The following EZR variants were observed in gnomAD, a reference collection of about 807,000 sequenced individuals.
EZR encodes ezrin.
EZR carries 40 observed loss-of-function variants against 74.8 expected under a neutral mutation model. The ratio of observed to expected loss-of-function variants is 0.53; its 90% CI spans 0.42 to 0.70. The LOEUF (loss-of-function observed/expected upper bound fraction) is 0.70. Among genes scored for constraint, EZR ranks in the 30% least tolerant of loss-of-function variants. The pLI is 0.00. For missense variants in EZR, 678 were observed against 755.8 expected, an observed-to-expected ratio of 0.90 and a Z score of 1.21; for synonymous variants, 341 against 283.3, an observed-to-expected ratio of 1.20 and a Z score of -2.05.
intron 7 of EZR, among the ~76,000 whole-genome samples, chr6:158,780,567 C>T (rs1420304752): frequency 3.3e-5 from 5 of 152,120 alleles, no homozygotes; most frequent in Non-Finnish European, 7.4e-5. Flanking sequence ...TGTTTCAGTC[C>T]CCAAGCTCCC....
At chr6:158,770,307 C>T (rs1030218548) in intron 10 of EZR, among the ~76,000 whole-genome samples, 1 of 152,238 alleles carries the variant, frequency 6.6e-6, no homozygotes, top group African/African-American at 2.4e-5. Context: ...CCAGTGAATA[C>T]AGCATCTGTG....
intron 2 of EZR, among the ~76,000 whole-genome samples, chr6:158,790,730 CA>C (rs1366229267): frequency 1.3e-5 from 2 of 152,136 alleles, no homozygotes; most frequent in African/African-American, 2.4e-5. Context: ...CCACTTACAT[CA>C]AGGCAGTTTT....
At chr6:158,791,027 A>AATT (rs1444538821) in intron 2 of EZR, among the ~76,000 whole-genome samples, 1 of 152,190 alleles carries the variant, frequency 6.6e-6, no homozygotes, top group East Asian at 1.9e-4. Context: ...GGGAACCAGA[A>AATT]ATATTAAGCA....
At chr6:158,811,461 CAA>C (rs925190073) in intron 2 of EZR, among the ~76,000 whole-genome samples, 7 of 151,946 alleles carry the variant, frequency 4.6e-5, no homozygotes, top group African/African-American at 1.7e-4. Flanking sequence ...TCCAAATTGT[CAA>C]AGAGATATAA....
intron 2 of EZR, among the ~76,000 whole-genome samples, chr6:158,792,491 T>C (rs1391460873): frequency 6.6e-6 from 1 of 152,184 alleles, no homozygotes; most frequent in African/African-American, 2.4e-5. Context: ...ATACTTTTAC[T>C]GAGGTTGGTT....
In EZR at chr6:158,785,390, G is replaced by A; in HGVS notation, c.386C>T (p.Ala129Val). The A allele has an allele frequency of 1.2e-6, 2 of 1,614,206 alleles. No individual in the cohort carries two copies. The highest frequency in any genetic ancestry group is 1.7e-6 in the Non-Finnish European group (2 of 1,180,028). Reference sequence around the variant, plus strand: ...GTAGTCCCCAAACTTGGCCTGCACAGCGTAGGACCCCAAGAGCACGGCAGT... The same window carrying A: ...GTAGTCCCCAAACTTGGCCTGCACAACGTAGGACCCCAAGAGCACGGCAGT... ...PETAVLLGSY[A>V]VQAKFGDYNK... Residue 129 changes from alanine (A) to valine (V), a missense_variant, in exon 5 of 14, where the codon GCT (alanine) becomes GTT (valine). Physicochemically the swap from Ala to Val is moderately conservative, Grantham distance 64 (BLOSUM62 0). Transcript: ENST00000367075.
intron 8 of EZR, among the ~76,000 whole-genome samples, chr6:158,775,033 CCTT>C (rs1413964187): frequency 4.3e-5 from 4 of 92,918 alleles, no homozygotes; most frequent in South Asian, 3.3e-4. Flanking sequence ...CAGCAGGAGC[CCTT>C]TTTTTTTTTT....
intron 2 of EZR, among the ~76,000 whole-genome samples, chr6:158,804,809 T>A (rs940078797): frequency 6.6e-6 from 1 of 151,354 alleles, no homozygotes; most frequent in African/African-American, 2.4e-5. Context: ...CATGTGCACA[T>A]TGTGCAGGTT....
intron 2 of EZR, among the ~76,000 whole-genome samples, chr6:158,803,588 T>TAC (rs1777253977): frequency 7.5e-5 from 1 of 13,262 alleles, no homozygotes; most frequent in Non-Finnish European, 1.3e-4. Context: ...TATACATATA[T>TAC]ATATATATAT....
intron 8 of EZR, among the ~76,000 whole-genome samples, chr6:158,773,845 A>G (rs1321425586): frequency 6.6e-6 from 1 of 152,248 alleles, no homozygotes; most frequent in Non-Finnish European, 1.5e-5. Context: ...CCACAGGAAC[A>G]AAACGCCCTT....
chr6:158,797,154 A>G (rs1777090626), intron 2 of EZR, among the ~76,000 whole-genome samples: 1 of 152,236 alleles, frequency 6.6e-6, no homozygotes, highest in Non-Finnish European at 1.5e-5. Flanking sequence ...TTTTTACAGC[A>G]TAAATTCAAA....
intron 12 of EZR, among the ~76,000 whole-genome samples, chr6:158,768,296 T>TA (rs1790976908): frequency 6.6e-6 from 1 of 152,086 alleles, no homozygotes; most frequent in Non-Finnish European, 1.5e-5. Context: ...GCCACGATTG[T>TA]AAATTTCCTG....
chr6:158,770,168 G>A (rs547775831), intron 10 of EZR, among the ~76,000 whole-genome samples: 11 of 152,184 alleles, frequency 7.2e-5, no homozygotes, highest in Non-Finnish European at 1.2e-4. Context: ...CCAGCCAGGC[G>A]CCCTCTCTCT....
chr6:158,791,268 C>G (rs749092228), intron 2 of EZR, among the ~76,000 whole-genome samples: 3 of 152,184 alleles, frequency 2.0e-5, no homozygotes, highest in Non-Finnish European at 2.9e-5. Flanking sequence ...CTCAAGTTTA[C>G]TAGGAGGCAA....
chr6:158,771,468 C>T lies in EZR; in HGVS notation c.796-61G>A, dbSNP rs554235522. 2.6e-5 allele frequency: 39 copies of T among 1,513,086 alleles called. 1 individual carries two copies. The South Asian group carries it at 5.0e-4, about 19-fold the overall frequency. 93.7% of individuals were successfully genotyped at this position (1,513,086 alleles called of 1,614,324 possible). A position where few individuals can be genotyped will look rare whatever the true frequency, so the allele number is the denominator to read the frequency against. ...CCTTCGTTTGGTTTTCTTCTCCAAA[C>T]CATCCTTCACAAAGGTCCAGAACTT... On this transcript the variant is annotated intron_variant, in intron 8 of 13. Transcript: ENST00000367075.
chr6:158,818,526 G>C (rs981557982), intron 1 of EZR, among the ~76,000 whole-genome samples: 1 of 124,250 alleles, frequency 8.0e-6, no homozygotes, highest in African/African-American at 3.0e-5. Context: ...AGGGCAGGGG[G>C]AACACTCAGT....
chr6:158,771,819 T>A (rs1791120612), intron 8 of EZR, among the ~76,000 whole-genome samples: 1 of 152,210 alleles, frequency 6.6e-6, no homozygotes, highest in Non-Finnish European at 1.5e-5. Flanking sequence ...GGTAGCCACC[T>A]TTCATGATGT....
chr6:158,767,075 G>A lies in EZR; in HGVS notation c.1600C>T (p.Leu534=). 2 of 1,614,136 alleles carry A rather than the reference G, an allele frequency of 1.2e-6. No individual in the cohort carries two copies. Among genetic ancestry groups the A allele is most frequent in the South Asian group, 2.2e-5 (2 of 91,088 alleles). The part of the protein sequence containing the change: ...NERVQRQLLT[L]SSELSQARDE... ...CGGGCCTGGGACAGCTCGCTGCTCAGCGTCTGTAACATTAAGCAGCATTGG... is the reference window on the plus strand; with the variant it reads ...CGGGCCTGGGACAGCTCGCTGCTCAACGTCTGTAACATTAAGCAGCATTGG... The change falls in exon 14 of 14, where the codon CTG becomes TTG. Residue 534 remains leucine, a synonymous_variant. Coordinates refer to ENST00000367075, the MANE Select transcript of EZR (RefSeq NM_001111077.2).
intron 2 of EZR, among the ~76,000 whole-genome samples, chr6:158,805,249 G>A (rs2128575402): frequency 6.8e-6 from 1 of 147,718 alleles, no homozygotes; most frequent in East Asian, 2.1e-4. Flanking sequence ...TGAGGCAGGA[G>A]AATCGCTTGA....
Sources: allele counts gnomAD v4.1 joint callset (sites outside exome capture counted in the v4.1 genomes callset), GRCh38; gene constraint gnomAD v4.1.1; transcripts MANE v1.5; gene names NCBI Gene and HGNC (gene_info 2026-07-23, HGNC 2026-07-21).